The following MAP3K13 variants were observed in gnomAD, a reference collection of about 807,000 sequenced individuals.
MAP3K13 encodes leucine zipper-bearing kinase.
In MAP3K13, 52 loss-of-function variants were observed where a neutral mutation model predicts 104.0. The ratio of observed to expected loss-of-function variants is 0.50; its 90% CI spans 0.40 to 0.63. The LOEUF (loss-of-function observed/expected upper bound fraction) is 0.63. Among genes scored for constraint, MAP3K13 ranks in the 20% least tolerant of loss-of-function variants. The probability of loss-of-function intolerance (pLI) is 0.00; values close to 1 mark genes in which losing one functional copy is unlikely to be tolerated. For missense variants in MAP3K13, 914 were observed against 1,218.5 expected (o/e 0.75, Z 3.72); for synonymous variants, 394 against 442.2 (o/e 0.89, Z 1.37).
intron 3 of MAP3K13, among the ~76,000 whole-genome samples, chr3:185,441,516 G>T (rs1432108622): frequency 6.6e-6 from 1 of 152,180 alleles, no homozygotes; most frequent in Non-Finnish European, 1.5e-5. Context: ...TAGGAATTTA[G>T]GGAAGAGAAA....
At chr3:185,300,584 C>T (rs1721070684) in intron 2 of MAP3K13, among the ~76,000 whole-genome samples, 1 of 152,032 alleles carries the variant, frequency 6.6e-6, no homozygotes, top group African/African-American at 2.4e-5. Context: ...CTCCAGCCTC[C>T]CAGGTTCAAG....
chr3:185,353,398 A>T (rs1195782050), intron 2 of MAP3K13, among the ~76,000 whole-genome samples: 2 of 152,238 alleles, frequency 1.3e-5, no homozygotes. Context: ...GGTTGGTTCC[A>T]GCTCAGTATT....
chr3:185,308,278 G>T (rs1224319048), intron 2 of MAP3K13, among the ~76,000 whole-genome samples: 1 of 151,856 alleles, frequency 6.6e-6, no homozygotes, highest in Non-Finnish European at 1.5e-5. Flanking sequence ...GAAGTTTGCT[G>T]GTTTCTTTTT....
At chr3:185,345,484 A>G (rs1054227643) in intron 2 of MAP3K13, among the ~76,000 whole-genome samples, 4 of 152,170 alleles carry the variant, frequency 2.6e-5, no homozygotes, top group Admixed American at 6.6e-5. Flanking sequence ...AGTAAGCTTC[A>G]TCTGGTATTT....
chr3:185,467,485 T>G (rs1441110766), intron 10 of MAP3K13, among the ~76,000 whole-genome samples: 1 of 152,134 alleles, frequency 6.6e-6, no homozygotes, highest in Non-Finnish European at 1.5e-5. Context: ...CTTCTTGCAT[T>G]GCCATAAAGA....
intron 2 of MAP3K13, among the ~76,000 whole-genome samples, chr3:185,309,622 T>A (rs1721429724): frequency 6.6e-6 from 1 of 152,104 alleles, no homozygotes; most frequent in Non-Finnish European, 1.5e-5. Context: ...CTGCCTAAAT[T>A]ATCAGCTATT....
chr3:185,366,049 C>T (rs1433399694), intron 1 of MAP3K13, among the ~76,000 whole-genome samples: 2 of 148,496 alleles, frequency 1.3e-5, no homozygotes, highest in African/African-American at 5.0e-5. Flanking sequence ...CATTTTAGAA[C>T]ATTTTCATCA....
In MAP3K13 at chr3:185,428,686, G is replaced by GA. The variant is rs753100671; in HGVS notation, c.107dup (p.Asn36LysfsTer39). On this transcript the variant is annotated frameshift_variant, in exon 2 of 14. Transcript: ENST00000265026. LOFTEE classifies it high-confidence loss of function. ...TACAAGATGAGCTCACAGCTATGGG[G>GA]AACCACCCTTCTCCCAAGCTGCTCG... 1.4e-5 allele frequency: 22 copies of GA among 1,613,998 alleles called. No homozygotes were observed. Among genetic ancestry groups the GA allele is most frequent in the Non-Finnish European group, 1.9e-5 (22 of 1,180,012 alleles).
intron 7 of MAP3K13, among the ~76,000 whole-genome samples, chr3:185,454,706 T>TGA (rs796261591): frequency 0.036 from 332 of 9,302 alleles, 84 homozygotes; most frequent in Middle Eastern, 0.25. Context: ...GATATATATA[T>TGA]CATATATGAG....
upstream of MAP3K13, among the ~76,000 whole-genome samples, chr3:185,358,176 G>A (rs779553823): frequency 6.6e-6 from 1 of 152,162 alleles, no homozygotes; most frequent in African/African-American, 2.4e-5. Flanking sequence ...ATACTTTTGT[G>A]CTTAGCTTAT....
At position 185,473,708 on chromosome 3, in the gene MAP3K13, T is replaced by C. The variant is rs1449866646; in HGVS notation, c.2377T>C (p.Ser793Pro). The C allele has an allele frequency of 6.2e-7, 1 of 1,613,868 alleles. No homozygotes were observed. The highest frequency in any genetic ancestry group is 2.2e-5 in the East Asian group (1 of 44,886). ...GCRSESSLGT[S>P]HLGTPPALPR... ...TAGGTCTGAGTCATCCCTCGGCACC[T>C]CTCATCTCGGCACCCCTCCAGCGCT... Residue 793 changes from serine to proline, a missense_variant, in exon 11 of 14, where the codon TCT becomes CCT. Ser to Pro is a moderately conservative substitution (Grantham distance 74). Coordinates refer to ENST00000265026, the MANE Select transcript of MAP3K13 (RefSeq NM_004721.5). This position sits in a 1 kb window ranked among gnomAD's most constrained non-coding sequence, Gnocchi z 4.9.
Position 185,459,576 on chromosome 3 carries a change from C to T in MAP3K13, c.1279-3974C>T, listed in dbSNP as rs11712565. Among the ~76,000 whole-genome samples, 6 of 151,818 alleles carry T rather than the reference C, an allele frequency of 4.0e-5. No homozygotes were observed. The East Asian group carries it at 9.7e-4, about 25-fold the overall frequency. On this transcript the variant is annotated intron_variant, in intron 7 of 13. Transcript: ENST00000265026. ...TATTCTCTCCTGCCTCAGCCTCCCA[C>T]GTAGCTGGGACTACAGGCACCTGCC...
At chr3:185,441,700 C>T (rs775701892) in intron 3 of MAP3K13, among the ~76,000 whole-genome samples, 6 of 151,698 alleles carry the variant, frequency 4.0e-5, no homozygotes, top group Non-Finnish European at 5.9e-5. Context: ...TACAGGAGTT[C>T]GAGAGCAGCC....
chr3:185,389,925 G>A (rs1380257544), intron 1 of MAP3K13, among the ~76,000 whole-genome samples: 1 of 152,112 alleles, frequency 6.6e-6, no homozygotes, highest in Non-Finnish European at 1.5e-5. Flanking sequence ...GAGTGGTATT[G>A]TGAAAAGAGG....
intron 1 of MAP3K13, among the ~76,000 whole-genome samples, chr3:185,426,710 C>T (rs890025041): frequency 5.9e-5 from 9 of 152,088 alleles, no homozygotes; most frequent in African/African-American, 1.7e-4. Flanking sequence ...AGCTTCCATG[C>T]CCTCCTTCAC....
At chr3:185,361,152 A>G (rs1382305434), upstream of MAP3K13, among the ~76,000 whole-genome samples, 1 of 149,366 alleles carries the variant, frequency 6.7e-6, no homozygotes, top group African/African-American at 2.4e-5. Flanking sequence ...ATACATATAT[A>G]CAGATTTTAT....
chr3:185,347,456 A>T (rs761117218), intron 2 of MAP3K13, among the ~76,000 whole-genome samples: 2 of 152,198 alleles, frequency 1.3e-5, no homozygotes, highest in African/African-American at 2.4e-5. Context: ...CATCATTCAG[A>T]GGCCTGGAAT....
At chr3:185,338,391 TA>T (rs1480479428) in intron 2 of MAP3K13, among the ~76,000 whole-genome samples, 1 of 149,894 alleles carries the variant, frequency 6.7e-6, no homozygotes, top group East Asian at 1.9e-4. Flanking sequence ...TAAGAAACTG[TA>T]AAAAAGAAAA....
chr3:185,324,073 C>T (rs576668380), intron 2 of MAP3K13, among the ~76,000 whole-genome samples: 1 of 152,090 alleles, frequency 6.6e-6, no homozygotes, highest in Admixed American at 6.5e-5. Context: ...TGCAGTGGTG[C>T]GATCTCAGCT....
Sources: gnomAD v4.1 joint callset for allele counts (sites outside exome capture counted in the v4.1 genomes callset) on GRCh38, gnomAD v4.1.1 for gene constraint, Gnocchi (gnomAD v3.1) non-coding constraint, MANE v1.5 for transcripts, NCBI Gene and HGNC (gene_info 2026-07-23, HGNC 2026-07-21) for gene names.